Variants in STXBP5L observed in about 807,000 individuals in gnomAD.
The protein encoded by STXBP5L is syntaxin binding protein 5L, also known as syntaxin-binding protein 5-like.
In STXBP5L, 65 loss-of-function variants were observed where a neutral mutation model predicts 144.5. The observed-to-expected ratio is 0.45, with a 90% CI of 0.37 to 0.55. The LOEUF (loss-of-function observed/expected upper bound fraction) is 0.55, where lower values mean the gene tolerates loss of function less well. Ranked by LOEUF, STXBP5L falls within the 20% of genes least tolerant of loss-of-function variation. The pLI, the probability that STXBP5L is intolerant of heterozygous loss-of-function variation, is 0.00. For synonymous variants in STXBP5L, 505 were observed against 469.6 expected (o/e 1.08, Z -0.97); for missense variants, 1,298 against 1,405.5 (o/e 0.92, Z 1.22).
intron 10 of STXBP5L, among the ~76,000 whole-genome samples, chr3:121,208,200 G>A (rs551994290): frequency 6.6e-6 from 1 of 152,156 alleles, no homozygotes. Context: ...GGATGAAGCT[G>A]GAAACCATCA....
chr3:121,059,883 G>A (rs145648610), intron 5 of STXBP5L, among the ~76,000 whole-genome samples: 1 of 152,092 alleles, frequency 6.6e-6, no homozygotes, highest in African/African-American at 2.4e-5. Flanking sequence ...TGAGACTATG[G>A]GGTTTTCTAA....
chr3:121,052,102 C>A (rs183548029), intron 5 of STXBP5L, among the ~76,000 whole-genome samples: 2 of 152,046 alleles, frequency 1.3e-5, no homozygotes, highest in Non-Finnish European at 2.9e-5. Flanking sequence ...GCTTACCAAC[C>A]AAAAACAGTC....
chr3:120,979,335 A>G (rs905436586), intron 3 of STXBP5L, among the ~76,000 whole-genome samples: 1 of 152,206 alleles, frequency 6.6e-6, no homozygotes, highest in Non-Finnish European at 1.5e-5. Flanking sequence ...CTCCGTGGGC[A>G]TAGGACCCTC....
chr3:121,324,035 T>C (rs1453691702), intron 20 of STXBP5L, among the ~76,000 whole-genome samples: 1 of 152,194 alleles, frequency 6.6e-6, no homozygotes, highest in Non-Finnish European at 1.5e-5. Context: ...CATTAGGTCC[T>C]GACACTGCTG....
At chr3:121,008,764 G>A (rs935585670) in intron 3 of STXBP5L, among the ~76,000 whole-genome samples, 1 of 151,870 alleles carries the variant, frequency 6.6e-6, no homozygotes, top group African/African-American at 2.4e-5. Context: ...TGGGTCCTTT[G>A]GTTTGAGGCA....
intron 12 of STXBP5L, among the ~76,000 whole-genome samples, chr3:121,235,009 T>A (rs1231447927): frequency 2.0e-5 from 3 of 151,632 alleles, no homozygotes; most frequent in South Asian, 2.1e-4. Context: ...TATATTTTTT[T>A]ATTTAAATTT....
chr3:121,274,533 A>G (rs1015213914), intron 18 of STXBP5L, among the ~76,000 whole-genome samples: 2 of 152,226 alleles, frequency 1.3e-5, no homozygotes, highest in Non-Finnish European at 2.9e-5. Context: ...GCTGGCACAC[A>G]TGCAGCTGTG....
At position 120,908,302 on chromosome 3, in the gene STXBP5L, G is replaced by C. The variant is rs1267711364; in HGVS notation, c.-41G>C. The C allele has an allele frequency of 1.3e-5, 2 of 152,376 alleles. No individual in the cohort carries two copies. Among genetic ancestry groups the C allele is most frequent in the Non-Finnish European group, 2.9e-5 (2 of 68,116 alleles). The allele number at this position is 152,376 out of a possible 1,614,324, so 9.4% of individuals were successfully genotyped here. On this transcript the variant is annotated 5_prime_UTR_variant, in exon 1 of 27. Transcript: ENST00000471454. ...CCTACCTCGGCCCCCTCAGCTTCCC[G>C]GGCTGGCAGGCGGCTAGAGGCGTCT... is the stretch of plus-strand genomic sequence containing the variant.
chr3:121,121,557 A>G, intron 6 of STXBP5L, 84 bp from the exon 7 acceptor site: 1 of 966,948 alleles, frequency 1.0e-6, no homozygotes, highest in Admixed American at 2.0e-5. Flanking sequence ...ATTCCAGTGT[A>G]ATCTTAATTT....
chr3:121,007,156 C>G (rs750870178), intron 3 of STXBP5L, among the ~76,000 whole-genome samples: 1 of 152,040 alleles, frequency 6.6e-6, no homozygotes, highest in Non-Finnish European at 1.5e-5. Context: ...TATACTTTTA[C>G]ATTTTTAAAT....
intron 9 of STXBP5L, among the ~76,000 whole-genome samples, chr3:121,165,198 T>TA (rs1335117306): frequency 6.6e-6 from 1 of 152,176 alleles, no homozygotes; most frequent in African/African-American, 2.4e-5. Flanking sequence ...TAGGTAAGGT[T>TA]AAAAAAAGTG....
At chr3:121,001,904 G>A (rs1244652084) in intron 3 of STXBP5L, among the ~76,000 whole-genome samples, 4 of 152,062 alleles carry the variant, frequency 2.6e-5, no homozygotes, top group Non-Finnish European at 4.4e-5. Flanking sequence ...CTTTTTCAAG[G>A]CCGAATAATA....
Position 120,967,387 on chromosome 3 carries a change from A to T in STXBP5L, c.287+12350A>T, listed in dbSNP as rs6788784. On this transcript the variant is annotated intron_variant, in intron 3 of 26. Transcript: ENST00000471454. ...ATCACCCATCTTCTGTGTCAATCACACTGGGAGCTGCAGACTGGAGTTGTT... is the reference window on the plus strand; with the variant it reads ...ATCACCCATCTTCTGTGTCAATCACTCTGGGAGCTGCAGACTGGAGTTGTT... 7.3e-3 allele frequency among the ~76,000 whole-genome samples: 1,116 copies of T among 152,202 alleles called. 8 individuals carry two copies. The highest frequency in any genetic ancestry group is 0.024 in the African/African-American group (993 of 41,534).
intron 5 of STXBP5L, among the ~76,000 whole-genome samples, chr3:121,109,267 T>G (rs1247326042): frequency 6.6e-6 from 1 of 152,106 alleles, no homozygotes; most frequent in African/African-American, 2.4e-5. Context: ...TATTTCTTGT[T>G]TTCTGCTATC....
chr3:121,294,924 T>TA (rs1230463797), intron 19 of STXBP5L, among the ~76,000 whole-genome samples: 2 of 152,140 alleles, frequency 1.3e-5, no homozygotes, highest in Non-Finnish European at 2.9e-5. Context: ...AGTGACCCTT[T>TA]AAAAAGCGAT....
At chr3:121,054,720 C>T (rs559223910) in intron 5 of STXBP5L, among the ~76,000 whole-genome samples, 20 of 151,824 alleles carry the variant, frequency 1.3e-4, no homozygotes, top group African/African-American at 2.2e-4. Flanking sequence ...GCACATGTAC[C>T]GTAAAACTTA....
chr3:121,004,461 G>A (rs1944085861), intron 3 of STXBP5L, among the ~76,000 whole-genome samples: 1 of 151,752 alleles, frequency 6.6e-6, no homozygotes, highest in South Asian at 2.1e-4. Context: ...CTGAGACAAT[G>A]GGGTTTTCTA....
At chr3:121,362,527 G>A (rs1394053571) in intron 20 of STXBP5L, among the ~76,000 whole-genome samples, 1 of 152,124 alleles carries the variant, frequency 6.6e-6, no homozygotes, top group African/African-American at 2.4e-5. Flanking sequence ...CCCAGGCCAT[G>A]AGAAGTACTG....
chr3:121,257,364 T>C, intron 17 of STXBP5L, 31 bp downstream of exon 17: 1 of 1,564,654 alleles, frequency 6.4e-7, no homozygotes, highest in South Asian at 1.2e-5. Context: ...TTCAAACAAT[T>C]TTAGATATTA....
Sources: gnomAD v4.1 joint callset for allele counts (sites outside exome capture counted in the v4.1 genomes callset) on GRCh38, gnomAD v4.1.1 for gene constraint, MANE v1.5 for transcripts, NCBI Gene and HGNC (gene_info 2026-07-23, HGNC 2026-07-21) for gene names.